Variants in CSMD1 observed in about 807,000 individuals in gnomAD.
The protein encoded by CSMD1 is CUB and sushi domain-containing protein 1.
CSMD1 carries 213 observed loss-of-function variants against 417.5 expected under a neutral mutation model. That is an observed-to-expected ratio of 0.51 (90% CI 0.46 to 0.57). The LOEUF (loss-of-function observed/expected upper bound fraction) is 0.57. CSMD1 is among the 20% of genes least tolerant of loss of function. CSMD1 has a pLI of 0.00. For synonymous variants in CSMD1, 2,862 were observed against 1,736.8 expected (o/e 1.65, Z -16.11); for missense variants, 6,923 against 4,529.7 (o/e 1.53, Z -15.17).
At chr8:4,375,044 A>C (rs1802643845) in intron 3 of CSMD1, among the ~76,000 whole-genome samples, 1 of 151,370 alleles carries the variant, frequency 6.6e-6, no homozygotes, top group Non-Finnish European at 1.5e-5. Context: ...TGTGAAGATT[A>C]AGAGGCTGTT....
chr8:3,110,067 A>C (rs1816402664), intron 43 of CSMD1, 91 bp downstream of exon 43: 1 of 1,081,794 alleles, frequency 9.2e-7, no homozygotes, highest in Non-Finnish European at 1.3e-6. Context: ...GTTTATTCTA[A>C]ATATGTGCCT....
At chr8:4,474,975 G>C (rs1800722812) in intron 2 of CSMD1, among the ~76,000 whole-genome samples, 1 of 152,130 alleles carries the variant, frequency 6.6e-6, no homozygotes, top group Non-Finnish European at 1.5e-5. Flanking sequence ...TCAACTACAG[G>C]CTGTTAGTAA....
chr8:3,388,436 C>T (rs1811144530), intron 17 of CSMD1, among the ~76,000 whole-genome samples: 2 of 152,180 alleles, frequency 1.3e-5, no homozygotes, highest in South Asian at 2.1e-4. Context: ...GTAATGTTTA[C>T]ATATGCGAAG....
chr8:3,412,393 C>T (rs1335011775), intron 12 of CSMD1, among the ~76,000 whole-genome samples: 1 of 151,998 alleles, frequency 6.6e-6, no homozygotes, highest in Non-Finnish European at 1.5e-5. Flanking sequence ...ACTGAATTTC[C>T]AGATGGTTTG....
chr8:4,187,526 C>T (rs960989771), intron 3 of CSMD1, among the ~76,000 whole-genome samples: 27 of 151,966 alleles, frequency 1.8e-4, no homozygotes, highest in African/African-American at 4.6e-4. Flanking sequence ...TGCCTGTAAT[C>T]CCAGCTACTT....
intron 3 of CSMD1, among the ~76,000 whole-genome samples, chr8:4,295,223 CTT>C (rs1189076677): frequency 4.8e-5 from 3 of 62,342 alleles, no homozygotes; most frequent in Non-Finnish European, 1.0e-4. Flanking sequence ...TCTATATAAT[CTT>C]AAGATTATAT....
chr8:3,315,649 A>T (rs1196462958), intron 23 of CSMD1, among the ~76,000 whole-genome samples: 3 of 147,266 alleles, frequency 2.0e-5, no homozygotes, highest in East Asian at 2.0e-4. Flanking sequence ...CCACATTTTT[A>T]AAAAATAGCA....
intron 3 of CSMD1, among the ~76,000 whole-genome samples, chr8:4,108,243 T>C (rs187420062): frequency 2.2e-4 from 33 of 152,312 alleles, no homozygotes; most frequent in Non-Finnish European, 3.8e-4. Context: ...TAATATTTAA[T>C]TTCTATAGGT....
intron 1 of CSMD1, among the ~76,000 whole-genome samples, chr8:4,966,028 A>T (rs949435396): frequency 6.6e-6 from 1 of 152,024 alleles, no homozygotes; most frequent in African/African-American, 2.4e-5. Context: ...ATGATATGCA[A>T]GTATTTTTAG....
rs556494585 is a variant in CSMD1 at position 3,487,803 on chromosome 8, A to G, written c.1448+5820T>C. ...AAGTGCTAAAAGAATCCCATGGAAT[A>G]TTTTGTGATTTCCCAGAAATCGTAA... On this transcript the variant is annotated intron_variant, in intron 11 of 69. Transcript: ENST00000635120. Among the ~76,000 whole-genome samples, 154 of 152,254 alleles carry G rather than the reference A, an allele frequency of 1.0e-3. 1 individual carries two copies. Among genetic ancestry groups the G allele is most frequent in the African/African-American group, 3.4e-3 (140 of 41,544 alleles).
intron 3 of CSMD1, among the ~76,000 whole-genome samples, chr8:4,066,244 C>G (rs1020167085): frequency 1.3e-5 from 2 of 152,222 alleles, no homozygotes; most frequent in Non-Finnish European, 2.9e-5. Flanking sequence ...TCTTTGTCTC[C>G]TGTTCCCACT....
intron 3 of CSMD1, among the ~76,000 whole-genome samples, chr8:4,193,678 G>T (rs1241466060): frequency 6.6e-6 from 1 of 152,140 alleles, no homozygotes; most frequent in African/African-American, 2.4e-5. Flanking sequence ...GCAAACCACA[G>T]CTCAACAAAG....
intron 2 of CSMD1, among the ~76,000 whole-genome samples, chr8:4,631,398 GTTT>G (rs566703213): frequency 7.2e-6 from 1 of 138,368 alleles, no homozygotes; most frequent in African/African-American, 2.6e-5. Flanking sequence ...ACCTTGGTTT[GTTT>G]TTTTTTTTTT....
chr8:4,019,744 T>A (rs1796697187), intron 4 of CSMD1, among the ~76,000 whole-genome samples: 1 of 152,090 alleles, frequency 6.6e-6, no homozygotes, highest in South Asian at 2.1e-4. Flanking sequence ...GTTGTAGAAG[T>A]AGTTTTCCCA....
intron 17 of CSMD1, among the ~76,000 whole-genome samples, chr8:3,388,754 G>A (rs768561179): frequency 3.3e-5 from 5 of 152,184 alleles, no homozygotes; most frequent in Non-Finnish European, 5.9e-5. Context: ...TTGCTGCTGC[G>A]CAGTATGGCA....
At chr8:2,989,965 G>A (rs1471544655) in intron 54 of CSMD1, among the ~76,000 whole-genome samples, 1 of 152,166 alleles carries the variant, frequency 6.6e-6, no homozygotes, top group Non-Finnish European at 1.5e-5. Context: ...TATAGTAGGT[G>A]CTCAACAAAT....
intron 5 of CSMD1, among the ~76,000 whole-genome samples, chr8:3,754,408 T>G (rs1314445962): frequency 2.0e-5 from 3 of 151,628 alleles, no homozygotes; most frequent in Admixed American, 6.6e-5. Flanking sequence ...ATTCTGTGTT[T>G]CACAATTTGA....
At chr8:3,366,950 A>C (rs1276210907) in intron 20 of CSMD1, 82 bp downstream of exon 20, 3 of 1,062,772 alleles carry the variant, frequency 2.8e-6, no homozygotes, top group Non-Finnish European at 4.3e-6. Flanking sequence ...TTACACACAC[A>C]CACACACCCA....
intron 5 of CSMD1, among the ~76,000 whole-genome samples, chr8:3,958,320 C>CTTTTT (rs74275212): frequency 6.8e-5 from 1 of 14,720 alleles, no homozygotes; most frequent in Non-Finnish European, 1.5e-4. Flanking sequence ...TAAACTCTCT[C>CTTTTT]TTTTTTTTTT....
Sources: allele counts gnomAD v4.1 joint callset (sites outside exome capture counted in the v4.1 genomes callset), GRCh38; gene constraint gnomAD v4.1.1; transcripts MANE v1.5; gene names NCBI Gene and HGNC (gene_info 2026-07-23, HGNC 2026-07-21).